The following AGBL4 variants were observed in gnomAD, a reference collection of about 807,000 sequenced individuals.
The protein encoded by AGBL4 is cytosolic carboxypeptidase 6.
A neutral mutation model predicts 66.4 loss-of-function variants in AGBL4; 58 were observed. The ratio of observed to expected loss-of-function variants is 0.87; its 90% CI spans 0.71 to 1.09. The LOEUF is 1.09. Among genes scored for constraint, AGBL4 ranks in the 50% least tolerant of loss-of-function variants. The pLI, the probability that AGBL4 is intolerant of heterozygous loss-of-function variation, is 0.00. For missense variants in AGBL4, 579 were observed against 631.0 expected (o/e 0.92, Z 0.88); for synonymous variants, 234 against 222.9 (o/e 1.05, Z -0.44).
At chr1:48,744,491 T>C (rs1650420524) in intron 6 of AGBL4, among the ~76,000 whole-genome samples, 1 of 152,136 alleles carries the variant, frequency 6.6e-6, no homozygotes, top group Non-Finnish European at 1.5e-5. Flanking sequence ...AGCTCTGACC[T>C]TCAGTCAACA....
intron 2 of AGBL4, among the ~76,000 whole-genome samples, chr1:49,838,780 T>C (rs1013008999): frequency 6.6e-6 from 1 of 152,196 alleles, no homozygotes; most frequent in African/African-American, 2.4e-5. Flanking sequence ...AGAAAAATTA[T>C]GTCTTAGAAT....
intron 9 of AGBL4, among the ~76,000 whole-genome samples, chr1:48,601,718 C>A (rs1382252304): frequency 6.6e-6 from 1 of 152,188 alleles, no homozygotes; most frequent in Non-Finnish European, 1.5e-5. Flanking sequence ...TCAGAAGAAG[C>A]TCAGAGCCTG....
intron 3 of AGBL4, among the ~76,000 whole-genome samples, chr1:49,354,193 C>T (rs571688556): frequency 6.6e-6 from 1 of 152,190 alleles, no homozygotes; most frequent in South Asian, 2.1e-4. Flanking sequence ...TCTGTGGGCT[C>T]CCCATCCAGT....
chr1:48,811,625 C>G (rs1207697455), intron 6 of AGBL4, among the ~76,000 whole-genome samples: 1 of 151,986 alleles, frequency 6.6e-6, no homozygotes, highest in East Asian at 1.9e-4. Context: ...TTTTAAGTCC[C>G]CCTCTTCTCT....
intron 2 of AGBL4, among the ~76,000 whole-genome samples, chr1:49,839,490 A>T (rs1645935064): frequency 6.6e-6 from 1 of 152,224 alleles, no homozygotes; most frequent in Non-Finnish European, 1.5e-5. Flanking sequence ...TATTAGTAAA[A>T]ATGAAATTTC....
At chr1:49,047,006 C>A (rs748088447) in intron 4 of AGBL4, among the ~76,000 whole-genome samples, 2 of 152,022 alleles carry the variant, frequency 1.3e-5, no homozygotes, top group African/African-American at 2.4e-5. Context: ...GGTGCTGTCT[C>A]CAGGTAGAAC....
chr1:49,937,031 A>T (rs1463369355), intron 1 of AGBL4, among the ~76,000 whole-genome samples: 6 of 152,238 alleles, frequency 3.9e-5, no homozygotes, highest in Non-Finnish European at 5.9e-5. Flanking sequence ...TCCAATTAAA[A>T]GACACAGACT....
intron 9 of AGBL4, 112 bp from the exon 10 acceptor site, chr1:48,591,097 C>CG (rs201022880): frequency 5.3e-6 from 4 of 751,898 alleles, no homozygotes; most frequent in Non-Finnish European, 8.1e-6. Context: ...CCCACCCCCC[C>CG]CCACACACAC....
At chr1:48,885,514 C>A (rs1016558144) in intron 5 of AGBL4, among the ~76,000 whole-genome samples, 3 of 152,172 alleles carry the variant, frequency 2.0e-5, no homozygotes, top group Non-Finnish European at 4.4e-5. Flanking sequence ...CAGGGTCTAA[C>A]ACCAAGACCG....
chr1:49,893,836 C>G (rs1205850832), intron 1 of AGBL4, among the ~76,000 whole-genome samples: 1 of 152,156 alleles, frequency 6.6e-6, no homozygotes, highest in Non-Finnish European at 1.5e-5. Flanking sequence ...GCTGGTTTCA[C>G]AAACTGCTGA....
At position 49,543,983 on chromosome 1, in the gene AGBL4, C is replaced by T. The variant is rs371716883; in HGVS notation, c.282+153330G>A. Among the ~76,000 whole-genome samples the T allele has an allele frequency of 3.3e-4, 50 of 152,256 alleles. 1 individual carries two copies. The South Asian group carries it at 9.5e-3, about 29-fold the overall frequency. On this transcript the variant is annotated intron_variant, in intron 3 of 13. Coordinates refer to ENST00000371839, the MANE Select transcript of AGBL4 (RefSeq NM_032785.4). ...CCCCCTCATTACCATACTAAAATTC[C>T]CACCCACAGAGGAGCTTATTTGCCA...
intron 1 of AGBL4, among the ~76,000 whole-genome samples, chr1:49,930,889 T>C (rs1653275500): frequency 6.6e-6 from 1 of 152,146 alleles, no homozygotes; most frequent in African/African-American, 2.4e-5. Context: ...CAACATTGTA[T>C]TTGAAATTTG....
the AGBL4 span, among the ~76,000 whole-genome samples, chr1:48,523,144 G>GCCTC: frequency 6.6e-6 from 1 of 152,152 alleles, no homozygotes; most frequent in Non-Finnish European, 1.5e-5. Flanking sequence ...GAGGCTTAGA[G>GCCTC]AGGGAGAGTG....
At chr1:49,763,826 T>G (rs1429454986) in intron 2 of AGBL4, among the ~76,000 whole-genome samples, 1 of 152,158 alleles carries the variant, frequency 6.6e-6, no homozygotes, top group Non-Finnish European at 1.5e-5. Flanking sequence ...TCAGTTGCTG[T>G]AGCCCCAACA....
Position 49,455,980 on chromosome 1 carries a change from G to A in AGBL4, c.283-210116C>T, listed in dbSNP as rs187702167. Among the ~76,000 whole-genome samples, 28 of 151,794 alleles carry A rather than the reference G, an allele frequency of 1.8e-4. 1 individual carries two copies. The highest frequency in any genetic ancestry group is 7.2e-4 in the Admixed American group (11 of 15,228). On this transcript the variant is annotated intron_variant, in intron 3 of 13. Coordinates refer to ENST00000371839, the MANE Select transcript of AGBL4 (RefSeq NM_032785.4). ...CTTTGCAGCATTGTCTATAGATAAT[G>A]AGGGCAAGAACTTTGATTTATTCAC...
chr1:49,251,818 G>A (rs1652092547), intron 3 of AGBL4, among the ~76,000 whole-genome samples: 1 of 152,154 alleles, frequency 6.6e-6, no homozygotes, highest in Non-Finnish European at 1.5e-5. Context: ...GGAGCTGAGT[G>A]GTGGCTCTCT....
At chr1:49,968,751 AG>A in intron 1 of AGBL4, among the ~76,000 whole-genome samples, 1 of 152,308 alleles carries the variant, frequency 6.6e-6, no homozygotes, top group Middle Eastern at 3.4e-3. Context: ...TTTGGTTTCC[AG>A]TTTGGAACAT....
intron 3 of AGBL4, among the ~76,000 whole-genome samples, chr1:49,677,070 G>A (rs896843342): frequency 6.6e-6 from 1 of 151,694 alleles, no homozygotes; most frequent in Admixed American, 6.6e-5. Context: ...AAGTTCAATA[G>A]TAACAGTTTA....
chr1:48,608,798 T>C (rs1389227820), intron 9 of AGBL4, among the ~76,000 whole-genome samples: 1 of 152,036 alleles, frequency 6.6e-6, no homozygotes, highest in Non-Finnish European at 1.5e-5. Context: ...ATATCCAGCC[T>C]AGAGTCAGCA....
Sources: gnomAD v4.1 joint callset for allele counts (sites outside exome capture counted in the v4.1 genomes callset) on GRCh38, gnomAD v4.1.1 for gene constraint, MANE v1.5 for transcripts, NCBI Gene and HGNC (gene_info 2026-07-23, HGNC 2026-07-21) for gene names.